XPO4: variants seen among roughly 807,000 people sequenced by gnomAD.
XPO4 encodes the protein exportin 4.
A neutral mutation model predicts 143.0 loss-of-function variants in XPO4; 39 were observed. The ratio of observed to expected loss-of-function variants is 0.27; its 90% CI spans 0.21 to 0.36. XPO4 has a LOEUF of 0.36. Among genes scored for constraint, XPO4 ranks in the 10% least tolerant of loss-of-function variants. The pLI, the probability that XPO4 is intolerant of heterozygous loss-of-function variation, is 1.00. For missense variants in XPO4, 907 were observed against 1,348.0 expected, an observed-to-expected ratio of 0.67 and a Z score of 5.12; for synonymous variants, 439 against 474.0, an observed-to-expected ratio of 0.93 and a Z score of 0.96.
chr13:20,790,619 T>A (rs1447959274), intron 18 of XPO4, 39 bp from the exon 19 acceptor site: 1 of 1,504,024 alleles, frequency 6.6e-7, no homozygotes, highest in Non-Finnish European at 9.2e-7. Context: ...GGTGGTAACA[T>A]CAATAAATCT....
chr13:20,848,776 A>G (rs1318980306), intron 4 of XPO4: 2 of 985,074 alleles, frequency 2.0e-6, no homozygotes, highest in African/African-American at 1.7e-5. Flanking sequence ...AAAATAAATG[A>G]TGTGTTCCCT....
intron 9 of XPO4, among the ~76,000 whole-genome samples, chr13:20,819,977 A>C (rs1037309491): frequency 5.9e-5 from 9 of 152,096 alleles, no homozygotes; most frequent in Admixed American, 5.2e-4. Context: ...CACATCCCCA[A>C]CCTGGTTTCT....
At chr13:20,800,375 A>AT in intron 14 of XPO4, 50 bp from the exon 15 acceptor site, 1 of 1,541,206 alleles carries the variant, frequency 6.5e-7, no homozygotes, top group Non-Finnish European at 8.8e-7. Flanking sequence ...GATCAACTCA[A>AT]GAAAAAAAAA....
chr13:20,865,388 C>T, intron 2 of XPO4: 1 of 846,488 alleles, frequency 1.2e-6, no homozygotes, highest in Non-Finnish European at 1.4e-6. Context: ...CCACCCACCT[C>T]AGCCTCCCAA....
At chr13:20,840,417 A>G (rs2059962935) in intron 6 of XPO4, among the ~76,000 whole-genome samples, 1 of 152,040 alleles carries the variant, frequency 6.6e-6, no homozygotes, top group Admixed American at 6.6e-5. Flanking sequence ...TATGCTGCCC[A>G]TGCTGGTCTC....
chr13:20,842,818 G>A (rs1219956896), intron 6 of XPO4, 77 bp downstream of exon 6: 23 of 1,312,178 alleles, frequency 1.8e-5, no homozygotes, highest in African/African-American at 3.0e-5. Context: ...AAGCTGCAGA[G>A]GTGAAAGACT....
chr13:20,854,216 G>A (rs965817140), intron 4 of XPO4, among the ~76,000 whole-genome samples: 2 of 152,208 alleles, frequency 1.3e-5, no homozygotes, highest in East Asian at 1.9e-4. Context: ...CTTGCTTACA[G>A]ATTCCGTGGG....
chr13:20,867,510 T>C (rs1445485836), intron 2 of XPO4, among the ~76,000 whole-genome samples: 1 of 152,212 alleles, frequency 6.6e-6, no homozygotes, highest in African/African-American at 2.4e-5. Flanking sequence ...AATGGTATCG[T>C]TATTGCCATA....
intron 6 of XPO4, among the ~76,000 whole-genome samples, chr13:20,828,029 G>C (rs1004222025): frequency 3.3e-5 from 5 of 152,272 alleles, no homozygotes; most frequent in Non-Finnish European, 7.4e-5. Context: ...CCTGAGGTCA[G>C]GAGTTCGAGA....
intron 9 of XPO4, among the ~76,000 whole-genome samples, chr13:20,813,965 A>G (rs892111159): frequency 1.3e-5 from 2 of 152,154 alleles, no homozygotes; most frequent in Non-Finnish European, 2.9e-5. Flanking sequence ...CTCAAAAAAA[A>G]AAAAAAAAAA....
chr13:20,853,285 C>T (rs1164383015), intron 4 of XPO4, among the ~76,000 whole-genome samples: 1 of 144,262 alleles, frequency 6.9e-6, no homozygotes, highest in Admixed American at 7.2e-5. Context: ...GAGCTGTAAT[C>T]ATATCACTGC....
intron 18 of XPO4, among the ~76,000 whole-genome samples, chr13:20,792,071 C>T (rs1039347017): frequency 6.6e-6 from 1 of 152,304 alleles, no homozygotes; most frequent in Admixed American, 6.5e-5. Flanking sequence ...CTCTCAGAGC[C>T]GGCAAAGGCT....
At chr13:20,882,530 C>A (rs767243628) in intron 1 of XPO4, among the ~76,000 whole-genome samples, 20 of 152,150 alleles carry the variant, frequency 1.3e-4, no homozygotes, top group South Asian at 6.2e-4. Flanking sequence ...CCACCTCCAA[C>A]ATCAGAAGTC....
At chr13:20,869,764 T>C (rs1279125546) in intron 1 of XPO4, 2 of 182,230 alleles carry the variant, frequency 1.1e-5, no homozygotes, top group Non-Finnish European at 2.1e-5. Context: ...CCTAATCATA[T>C]AGCACCCTCT....
chr13:20,820,613 G>A (rs1326172561), intron 9 of XPO4, among the ~76,000 whole-genome samples: 4 of 152,164 alleles, frequency 2.6e-5, no homozygotes, highest in Non-Finnish European at 4.4e-5. Flanking sequence ...TTTATGTTTA[G>A]AATGTAAAGT....
At position 20,795,212 on chromosome 13, in the gene XPO4, C is replaced by A. The variant is rs528524708; in HGVS notation, c.2797+864G>T. ...ATAATAGGAGAGGCTAGATATGATT[C>A]ATTTTTCTGTCATGAAACAGGATCC... On this transcript the variant is annotated intron_variant, in intron 18 of 22. Transcript: ENST00000255305. Among the ~76,000 whole-genome samples, 5 of 152,270 alleles carry A rather than the reference C, an allele frequency of 3.3e-5. No homozygotes were observed. In the South Asian group the frequency reaches 1.0e-3, roughly 32 times the overall value.
At chr13:20,880,103 T>C (rs2060392679) in intron 1 of XPO4, among the ~76,000 whole-genome samples, 1 of 152,158 alleles carries the variant, frequency 6.6e-6, no homozygotes, top group African/African-American at 2.4e-5. Context: ...TGTACACTGC[T>C]GGTGGAAATG....
intron 1 of XPO4, among the ~76,000 whole-genome samples, chr13:20,882,891 A>G (rs2060426037): frequency 6.6e-6 from 1 of 151,926 alleles, no homozygotes; most frequent in Non-Finnish European, 1.5e-5. Context: ...AGTCTCAAAA[A>G]AAAAAAAAAG....
rs1401699022 is a variant in XPO4 at position 20,781,736 on chromosome 13, T to C, written c.*1986A>G. On this transcript the variant is annotated 3_prime_UTR_variant, in exon 23 of 23. Transcript: ENST00000255305. ...CTGTCCAGTCAATTGTGTGTTTCAG[T>C]GCCCTTTGGTAAAGAGACTGTACTT... 6.6e-6 allele frequency: 1 copy of C among 152,192 alleles called. No individual in the cohort carries two copies. Among genetic ancestry groups the C allele is most frequent in the East Asian group, 1.9e-4 (1 of 5,208 alleles). 9.4% of individuals were successfully genotyped at this position (152,192 alleles called of 1,614,324 possible).
Sources: allele counts gnomAD v4.1 joint callset (sites outside exome capture counted in the v4.1 genomes callset), GRCh38; gene constraint gnomAD v4.1.1; transcripts MANE v1.5; gene names NCBI Gene and HGNC (gene_info 2026-07-23, HGNC 2026-07-21).